Variants in KHDRBS2 observed in about 807,000 individuals in gnomAD.
KHDRBS2 encodes the protein KH domain-containing, RNA-binding, signal transduction-associated protein 2.
In KHDRBS2, 26 loss-of-function variants were observed where a neutral mutation model predicts 44.3. The ratio of observed to expected loss-of-function variants is 0.59; its 90% confidence interval spans 0.43 to 0.81. The LOEUF (loss-of-function observed/expected upper bound fraction) is 0.81. KHDRBS2 is among the 40% of genes least tolerant of loss of function. The probability of loss-of-function intolerance (pLI) is 0.00; values close to 1 mark genes in which losing one functional copy is unlikely to be tolerated. For synonymous variants in KHDRBS2, 194 were observed against 151.1 expected (o/e 1.28, Z -2.08); for missense variants, 476 against 433.1 (o/e 1.10, Z -0.88).
the KHDRBS2 span, among the ~76,000 whole-genome samples, chr6:61,549,287 G>T: frequency 2.0e-5 from 3 of 152,098 alleles, no homozygotes; most frequent in Non-Finnish European, 4.4e-5. Flanking sequence ...TGTTTTAGTT[G>T]TCTGTGGTAC....
chr6:62,121,549 G>A (rs1807643980), intron 2 of KHDRBS2, among the ~76,000 whole-genome samples: 1 of 152,172 alleles, frequency 6.6e-6, no homozygotes, highest in African/African-American at 2.4e-5. Context: ...CACTGATTTG[G>A]CAAATGCTTT....
At position 62,037,922 on chromosome 6, in the gene KHDRBS2, A is replaced by G. The variant is rs559207494; in HGVS notation, c.336+9956T>C. On this transcript the variant is annotated intron_variant, in intron 3 of 8. Coordinates refer to ENST00000281156, the MANE Select transcript of KHDRBS2 (RefSeq NM_152688.4). ...ATGCAAAGAGTAAACTACTTTGCAT[A>G]TAATATTTTAAAAGGAAATCTATTC... Among the ~76,000 whole-genome samples the G allele has an allele frequency of 7.9e-5, 12 of 152,210 alleles. No individual in the cohort carries two copies. In the South Asian group the frequency reaches 2.5e-3, roughly 32 times the overall value.
At chr6:61,893,391 A>T (rs1303811654) in intron 6 of KHDRBS2, among the ~76,000 whole-genome samples, 2 of 152,176 alleles carry the variant, frequency 1.3e-5, no homozygotes, top group Non-Finnish European at 2.9e-5. Flanking sequence ...CAGCCATCCC[A>T]TTACTGGGTA....
intron 1 of KHDRBS2, among the ~76,000 whole-genome samples, chr6:62,281,777 A>G (rs1198960141): frequency 6.6e-6 from 1 of 152,134 alleles, no homozygotes; most frequent in Non-Finnish European, 1.5e-5. Flanking sequence ...AGATGAAGAA[A>G]CTGAGTATCA....
chr6:61,581,788 A>C, the KHDRBS2 span, among the ~76,000 whole-genome samples: 1 of 151,420 alleles, frequency 6.6e-6, no homozygotes, highest in East Asian at 1.9e-4. Flanking sequence ...GAATCTGAAT[A>C]ACACTAAAGA....
intron 2 of KHDRBS2, among the ~76,000 whole-genome samples, chr6:62,059,113 C>T (rs184773647): frequency 1.7e-4 from 23 of 135,940 alleles, no homozygotes; most frequent in Admixed American, 9.5e-4. Context: ...AAACAAAAAA[C>T]TAATAGTGCC....
intron 6 of KHDRBS2, among the ~76,000 whole-genome samples, chr6:61,885,050 T>G (rs1455525510): frequency 2.6e-5 from 4 of 152,072 alleles, no homozygotes; most frequent in Non-Finnish European, 4.4e-5. Context: ...CAACTGTAAA[T>G]TTTCTAAACC....
intron 6 of KHDRBS2, among the ~76,000 whole-genome samples, chr6:61,788,727 A>G (rs2127584364): frequency 6.6e-6 from 1 of 151,458 alleles, no homozygotes; most frequent in African/African-American, 2.4e-5. Context: ...TTATAGGAGA[A>G]TAATTTTCAA....
At chr6:62,260,673 T>C (rs1303504615) in intron 1 of KHDRBS2, among the ~76,000 whole-genome samples, 3 of 150,712 alleles carry the variant, frequency 2.0e-5, no homozygotes, top group South Asian at 2.1e-4. Flanking sequence ...ACTATATTTG[T>C]AGATAAATAT....
At chr6:61,619,183 G>T in the KHDRBS2 span, among the ~76,000 whole-genome samples, 1 of 152,012 alleles carries the variant, frequency 6.6e-6, no homozygotes, top group African/African-American at 2.4e-5. Context: ...ATTATATAGT[G>T]GCGAATTCTG....
intron 2 of KHDRBS2, among the ~76,000 whole-genome samples, chr6:62,145,686 C>T (rs544907598): frequency 6.6e-6 from 1 of 151,898 alleles, no homozygotes; most frequent in Admixed American, 6.6e-5. Context: ...ACTGTAGAGG[C>T]TTAATCAAAC....
intron 3 of KHDRBS2, 100 bp downstream of exon 3, chr6:62,047,778 G>A (rs1485254093): frequency 4.1e-6 from 3 of 734,780 alleles, no homozygotes; most frequent in Non-Finnish European, 7.4e-6. Context: ...GAAATCATAG[G>A]AAATGGTGAA....
chr6:61,678,807 C>T (rs1766084853), downstream of KHDRBS2: 1 of 151,868 alleles, frequency 6.6e-6, no homozygotes, highest in Admixed American at 6.6e-5. Flanking sequence ...TGTTTTAGCT[C>T]ATCACTATAG....
intron 7 of KHDRBS2, among the ~76,000 whole-genome samples, chr6:61,723,618 T>A (rs1407665066): frequency 6.6e-6 from 1 of 151,494 alleles, no homozygotes; most frequent in Non-Finnish European, 1.5e-5. Context: ...ATAGCCAGTT[T>A]AGAGAGGAAC....
chr6:61,671,037 C>T, the KHDRBS2 span, among the ~76,000 whole-genome samples: 3 of 151,620 alleles, frequency 2.0e-5, no homozygotes, highest in Admixed American at 2.0e-4. Context: ...AAGATAGGAG[C>T]ATGATGACAT....
chr6:62,087,360 A>G (rs1448460471), intron 2 of KHDRBS2, among the ~76,000 whole-genome samples: 1 of 152,114 alleles, frequency 6.6e-6, no homozygotes, highest in Admixed American at 6.5e-5. Context: ...GGATCTAAAA[A>G]ATTAGATTTT....
chr6:62,019,430 AT>A (rs1781842172), intron 3 of KHDRBS2, among the ~76,000 whole-genome samples: 2 of 151,210 alleles, frequency 1.3e-5, no homozygotes, highest in African/African-American at 2.4e-5. Context: ...TCCTTTTCTG[AT>A]TTTGGTATCA....
Position 61,681,004 on chromosome 6 carries a change from C to G in KHDRBS2, c.1009G>C (p.Ala337Pro), listed in dbSNP as rs1366687820. Residue 337 changes from alanine (A) to proline (P), a missense_variant, in exon 9 of 9, where the codon GCC becomes CCC. Ala to Pro is a conservative substitution (Grantham distance 27). Coordinates refer to ENST00000281156, the MANE Select transcript of KHDRBS2 (RefSeq NM_152688.4). Reference protein sequence around the residue: ...SSLKAPPQRSARGGYREHPYG... With the variant: ...SSLKAPPQRSPRGGYREHPYG... Reference sequence around the variant, plus strand: ...GGGTGTTCCCTGTATCCCCCTCTGGCTGACCTTTGCGGTGGTGCCTTCAAG... The same window carrying G: ...GGGTGTTCCCTGTATCCCCCTCTGGGTGACCTTTGCGGTGGTGCCTTCAAG... 1.9e-6 allele frequency: 3 copies of G among 1,611,776 alleles called. No homozygotes were observed. The highest frequency in any genetic ancestry group is 1.3e-5 in the African/African-American group (1 of 74,732).
chr6:61,814,350 G>T (rs1053926448), intron 6 of KHDRBS2, among the ~76,000 whole-genome samples: 3 of 152,150 alleles, frequency 2.0e-5, no homozygotes, highest in African/African-American at 7.2e-5. Flanking sequence ...GGTGGCTCGT[G>T]CCTGAAATCC....
Sources: allele counts gnomAD v4.1 joint callset (sites outside exome capture counted in the v4.1 genomes callset), GRCh38; gene constraint gnomAD v4.1.1; transcripts MANE v1.5; gene names NCBI Gene and HGNC (gene_info 2026-07-23, HGNC 2026-07-21).